UBE2V2: variants seen among roughly 807,000 people sequenced by gnomAD.
UBE2V2 encodes the protein ubiquitin conjugating enzyme E2 V2.
A neutral mutation model predicts 17.2 loss-of-function variants in UBE2V2; 9 were observed. The ratio of observed to expected loss-of-function variants is 0.52; its 90% CI spans 0.32 to 0.91. The LOEUF is 0.91. Among genes scored for constraint, UBE2V2 ranks in the 40% least tolerant of loss-of-function variants. UBE2V2 has a pLI of 0.04. For synonymous variants in UBE2V2, 61 were observed against 57.5 expected, an observed-to-expected ratio of 1.06 and a Z score of -0.28; for missense variants, 133 against 182.6, an observed-to-expected ratio of 0.73 and a Z score of 1.56.
intron 2 of UBE2V2, among the ~76,000 whole-genome samples, chr8:48,048,445 T>G (rs1458296929): frequency 6.6e-6 from 1 of 152,204 alleles, no homozygotes; most frequent in Non-Finnish European, 1.5e-5. Flanking sequence ...TGTTTCCATT[T>G]CGCTTGGGTA....
upstream of UBE2V2, chr8:48,008,332 G>C (rs541750888): frequency 1.8e-5 from 24 of 1,323,562 alleles, no homozygotes; most frequent in African/African-American, 6.2e-5. Flanking sequence ...GCTGTCCCTC[G>C]GGTCGCCCCG....
chr8:48,044,655 T>C (rs975764481), intron 2 of UBE2V2, among the ~76,000 whole-genome samples: 41 of 152,170 alleles, frequency 2.7e-4, no homozygotes, highest in African/African-American at 8.0e-4. Flanking sequence ...GATATGTTGA[T>C]GGATAGAGTT....
intron 3 of UBE2V2, among the ~76,000 whole-genome samples, chr8:48,053,249 TAG>T (rs2091550407): frequency 6.6e-6 from 1 of 152,180 alleles, no homozygotes; most frequent in African/African-American, 2.4e-5. Flanking sequence ...ATTGCTCTGT[TAG>T]AGTCACTCTT....
At chr8:48,012,455 A>C (rs1366642077) in intron 1 of UBE2V2, among the ~76,000 whole-genome samples, 1 of 152,204 alleles carries the variant, frequency 6.6e-6, no homozygotes, top group African/African-American at 2.4e-5. Context: ...GGGGTGGCTC[A>C]CACCTGTAAT....
At chr8:48,012,926 A>G (rs1325583163) in intron 1 of UBE2V2, among the ~76,000 whole-genome samples, 2 of 150,120 alleles carry the variant, frequency 1.3e-5, no homozygotes, top group Admixed American at 1.3e-4. Flanking sequence ...GCTCACTGCA[A>G]CCTCTGCCTC....
At chr8:48,008,406 C>A (rs1011675996), upstream of UBE2V2, 8 of 1,554,222 alleles carry the variant, frequency 5.1e-6, no homozygotes, top group African/African-American at 1.4e-5. Context: ...AAGTGACGCG[C>A]GACGGTTCGT....
intron 1 of UBE2V2, among the ~76,000 whole-genome samples, chr8:48,035,822 C>T (rs1185877360): frequency 4.7e-5 from 7 of 149,170 alleles, no homozygotes; most frequent in East Asian, 2.0e-4. Context: ...ACTCATGAGG[C>T]GGAGGTTGCA....
In UBE2V2 at chr8:48,061,444, CTTTG is replaced by C. The variant is rs760542623; in HGVS notation, c.*620_*623del. The C allele has an allele frequency of 1.3e-5, 2 of 152,542 alleles. No individual in the cohort carries two copies. Among genetic ancestry groups the C allele is most frequent in the African/African-American group, 2.4e-5 (1 of 41,410 alleles). 9.4% of individuals were successfully genotyped at this position (152,542 alleles called of 1,614,324 possible). A position where few individuals can be genotyped will look rare whatever the true frequency, so the allele number is the denominator to read the frequency against. Reference sequence around the variant, plus strand: ...GACATGGTAAATATTTGTTTACAGTCTTTGTTTAACAAACCATGCATTTAAGTTT... The same window carrying C: ...GACATGGTAAATATTTGTTTACAGTCTTTAACAAACCATGCATTTAAGTTT... On this transcript the variant is annotated 3_prime_UTR_variant, in exon 4 of 4. Transcript: ENST00000523111.
chr8:48,033,004 CAGCA>C (rs2091394242), intron 1 of UBE2V2, among the ~76,000 whole-genome samples: 1 of 151,982 alleles, frequency 6.6e-6, no homozygotes, highest in Admixed American at 6.6e-5. Flanking sequence ...CAGACCCACT[CAGCA>C]AGGAATTCCA....
intron 2 of UBE2V2, among the ~76,000 whole-genome samples, chr8:48,044,447 C>A (rs1240904606): frequency 6.6e-6 from 1 of 152,208 alleles, no homozygotes; most frequent in Non-Finnish European, 1.5e-5. Flanking sequence ...CTGCACCCAG[C>A]CCCTCCTGAT....
At chr8:48,021,279 G>A (rs1444535466) in intron 1 of UBE2V2, among the ~76,000 whole-genome samples, 3 of 143,798 alleles carry the variant, frequency 2.1e-5, no homozygotes, top group African/African-American at 7.7e-5. Flanking sequence ...GGGTTTCACT[G>A]TGTTGGCTAG....
chr8:48,062,708 A>G lies in UBE2V2; in HGVS notation c.*1880A>G, dbSNP rs536093047. ...TGAAAGGCTTTTATCAAGCTCATAT[A>G]AAGTTAAAGCTTTGAGCTACCTTTT... On this transcript the variant is annotated 3_prime_UTR_variant, in exon 4 of 4. Transcript: ENST00000523111. The G allele has an allele frequency of 6.2e-4, 95 of 152,328 alleles. No individual in the cohort carries two copies. Among genetic ancestry groups the G allele is most frequent in the African/African-American group, 2.1e-3 (87 of 41,578 alleles). The allele number at this position is 152,328 out of a possible 1,614,324, so 9.4% of individuals were successfully genotyped here.
chr8:48,010,698 G>GTT (rs556750645), intron 1 of UBE2V2, among the ~76,000 whole-genome samples: 163 of 98,696 alleles, frequency 1.7e-3, no homozygotes, highest in South Asian at 0.014. Flanking sequence ...GGGTTTGTTT[G>GTT]TTTTTTTTTT....
At chr8:48,037,556 C>G (rs889067106) in intron 1 of UBE2V2, among the ~76,000 whole-genome samples, 2 of 152,188 alleles carry the variant, frequency 1.3e-5, no homozygotes, top group Non-Finnish European at 2.9e-5. Flanking sequence ...GCAAAACTCT[C>G]GCTTTATGAT....
intron 1 of UBE2V2, among the ~76,000 whole-genome samples, chr8:48,025,102 C>T (rs2091331800): frequency 6.6e-6 from 1 of 151,516 alleles, no homozygotes; most frequent in Non-Finnish European, 1.5e-5. Context: ...GCCCGGCTAG[C>T]TTGTTGTATT....
chr8:48,015,860 G>A (rs1268671530), intron 1 of UBE2V2, among the ~76,000 whole-genome samples: 1 of 149,346 alleles, frequency 6.7e-6, no homozygotes, highest in Non-Finnish European at 1.5e-5. Flanking sequence ...CACTGTATAC[G>A]TATACCACAT....
chr8:48,056,109 A>G (rs2091570107), intron 3 of UBE2V2, among the ~76,000 whole-genome samples: 1 of 152,162 alleles, frequency 6.6e-6, no homozygotes. Flanking sequence ...TATAAATAGA[A>G]TCATAGAGTA....
upstream of UBE2V2, among the ~76,000 whole-genome samples, chr8:48,008,241 G>A (rs2091198486): frequency 6.6e-6 from 1 of 152,112 alleles, no homozygotes; most frequent in Non-Finnish European, 1.5e-5. Context: ...TTATTCTTTA[G>A]CGTTTCATTT....
At chr8:47,997,837 T>C in the UBE2V2 span, among the ~76,000 whole-genome samples, 3 of 150,590 alleles carry the variant, frequency 2.0e-5, no homozygotes, top group Non-Finnish European at 4.4e-5. Context: ...AGGCATACGG[T>C]GGGGGGGTCA....
Sources: gnomAD v4.1 joint callset for allele counts (sites outside exome capture counted in the v4.1 genomes callset) on GRCh38, gnomAD v4.1.1 for gene constraint, MANE v1.5 for transcripts, NCBI Gene and HGNC (gene_info 2026-07-23, HGNC 2026-07-21) for gene names.